MCC: variants seen among roughly 807,000 people sequenced by gnomAD.
MCC encodes the protein MCC regulator of Wnt signaling pathway.
In MCC, 90 loss-of-function variants were observed where a neutral mutation model predicts 116.2. The observed-to-expected ratio is 0.77, with a 90% CI of 0.65 to 0.92. The LOEUF is 0.92. Among genes scored for constraint, MCC ranks in the 40% least tolerant of loss-of-function variants. The pLI, the probability that MCC is intolerant of heterozygous loss-of-function variation, is 0.00. For synonymous variants in MCC, 578 were observed against 510.5 expected, an observed-to-expected ratio of 1.13 and a Z score of -1.78; for missense variants, 1,516 against 1,312.2, an observed-to-expected ratio of 1.16 and a Z score of -2.40.
In MCC at chr5:113,315,925, C is replaced by T. The variant is rs536231436; in HGVS notation, c.627+24594G>A. Among the ~76,000 whole-genome samples the T allele has an allele frequency of 3.1e-4, 47 of 151,556 alleles. 1 individual carries two copies. The South Asian group carries it at 7.9e-3, about 26-fold the overall frequency. On this transcript the variant is annotated intron_variant, in intron 3 of 18. Coordinates refer to ENST00000408903, the MANE Select transcript of MCC (RefSeq NM_001085377.2). ...GGGATGATTAGGCCATTTCTTCTTT[C>T]GAAGTGCCCAAAACAACTAGGTACA...
In MCC at chr5:113,092,332, G is replaced by T. The variant is rs189817593; in HGVS notation, c.1399-7022C>A. 3.2e-3 allele frequency among the ~76,000 whole-genome samples: 480 copies of T among 152,300 alleles called. 7 individuals carry two copies. The highest frequency in any genetic ancestry group is 0.011 in the Admixed American group (161 of 15,294). On this transcript the variant is annotated intron_variant, in intron 8 of 18. Transcript: ENST00000408903. ...GATGAAGGAAGGGGCATACTCAAAG[G>T]ATGCAGGCTCCCTCTAGATGCTGGA...
intron 15 of MCC, among the ~76,000 whole-genome samples, chr5:113,053,400 G>A (rs181471202): frequency 1.3e-5 from 2 of 152,312 alleles, no homozygotes; most frequent in Admixed American, 6.5e-5. Context: ...ATATTTCCAA[G>A]CATTCTTGAG....
Position 113,340,750 on chromosome 5 carries a change from A to G in MCC, c.416-20T>C. On this transcript the variant is annotated intron_variant, in intron 2 of 18. Coordinates refer to ENST00000408903, the MANE Select transcript of MCC (RefSeq NM_001085377.2). ...AGGCACCTAAGTCCGAGAGAAGCAG[A>G]GAAAATGAAAAGACATTTCCTTCAT... 1.2e-6 allele frequency: 2 copies of G among 1,606,070 alleles called. No individual in the cohort carries two copies. The highest frequency in any genetic ancestry group is 1.7e-5 in the Admixed American group (1 of 59,824).
chr5:113,390,140 C>T (rs999444611), intron 1 of MCC, among the ~76,000 whole-genome samples: 2 of 152,044 alleles, frequency 1.3e-5, no homozygotes, highest in Non-Finnish European at 2.9e-5. Flanking sequence ...TCAGAAAACA[C>T]ATATTCATTG....
At chr5:113,166,653 C>T (rs1046806526) in intron 3 of MCC, among the ~76,000 whole-genome samples, 14 of 150,488 alleles carry the variant, frequency 9.3e-5, no homozygotes, top group African/African-American at 3.2e-4. Context: ...ACTATAAGAT[C>T]CCAAGACTCT....
intron 13 of MCC, among the ~76,000 whole-genome samples, chr5:113,065,772 T>A (rs1753560264): frequency 6.6e-6 from 1 of 152,240 alleles, no homozygotes. Context: ...TGCTTTGCTG[T>A]GCAACAGCTC....
chr5:113,119,306 A>G (rs1267994600), intron 6 of MCC, among the ~76,000 whole-genome samples: 1 of 152,228 alleles, frequency 6.6e-6, no homozygotes, highest in Non-Finnish European at 1.5e-5. Flanking sequence ...ATGAAAGAAA[A>G]TGAAGCAGGG....
chr5:113,166,721 A>C lies in MCC; in HGVS notation c.628-15299T>G, dbSNP rs868129926. 1.1e-4 allele frequency among the ~76,000 whole-genome samples: 15 copies of C among 133,168 alleles called. 1 individual carries two copies. Among genetic ancestry groups the C allele is most frequent in the East Asian group, 4.4e-4 (2 of 4,498 alleles). 87.4% of individuals were successfully genotyped at this position (133,168 alleles called of 152,430 possible). On this transcript the variant is annotated intron_variant, in intron 3 of 18. Transcript: ENST00000408903. The stretch of plus-strand genomic sequence containing the variant: ...TCATTTATTTAAAAAAAAAAAAAAA[A>C]ACAACCAAAAAACCAAAAAAACAAA...
chr5:113,147,296 A>G (rs1289989291), intron 4 of MCC, among the ~76,000 whole-genome samples: 1 of 152,200 alleles, frequency 6.6e-6, no homozygotes, highest in African/African-American at 2.4e-5. Flanking sequence ...CCAGGGATAA[A>G]GCCCTGAGTC....
intron 6 of MCC, among the ~76,000 whole-genome samples, chr5:113,121,041 TACAA>T (rs144906875): frequency 1.7e-3 from 265 of 152,366 alleles, no homozygotes; most frequent in Non-Finnish European, 3.2e-3. Flanking sequence ...CCATCTGTTG[TACAA>T]ACAAACTCTT....
chr5:113,120,198 G>A (rs1245497795), intron 6 of MCC, among the ~76,000 whole-genome samples: 1 of 152,178 alleles, frequency 6.6e-6, no homozygotes, highest in Admixed American at 6.5e-5. Flanking sequence ...GGGCTGCCAG[G>A]GTTAGAGATT....
chr5:113,228,106 G>A (rs1561471292), intron 3 of MCC, among the ~76,000 whole-genome samples: 1 of 152,200 alleles, frequency 6.6e-6, no homozygotes, highest in Non-Finnish European at 1.5e-5. Flanking sequence ...GGTGTTGAAT[G>A]AACAAATTTG....
intron 2 of MCC, among the ~76,000 whole-genome samples, chr5:113,375,992 A>T (rs1768971367): frequency 6.6e-6 from 1 of 152,184 alleles, no homozygotes; most frequent in Non-Finnish European, 1.5e-5. Flanking sequence ...TAGCGAAGGC[A>T]CGTACTAGAT....
chr5:113,440,780 C>T (rs773958861), intron 1 of MCC, among the ~76,000 whole-genome samples: 1 of 151,702 alleles, frequency 6.6e-6, no homozygotes, highest in Non-Finnish European at 1.5e-5. Flanking sequence ...GAAGAAGGAA[C>T]AGGAAAAAGA....
chr5:113,471,521 T>C (rs1045988290), intron 1 of MCC, among the ~76,000 whole-genome samples: 3 of 152,084 alleles, frequency 2.0e-5, no homozygotes, highest in Non-Finnish European at 4.4e-5. Context: ...TGCCTGATCG[T>C]TCCTCTGGAA....
chr5:113,157,664 C>A (rs1760248161), intron 3 of MCC, among the ~76,000 whole-genome samples: 1 of 152,190 alleles, frequency 6.6e-6, no homozygotes, highest in South Asian at 2.1e-4. Flanking sequence ...ACACTCACTG[C>A]CAGCGTGCAT....
intron 11 of MCC, among the ~76,000 whole-genome samples, chr5:113,082,061 T>C (rs532719413): frequency 2.6e-5 from 4 of 152,366 alleles, no homozygotes; most frequent in South Asian, 4.1e-4. Context: ...GGCCAAGTGG[T>C]TTCCATGGTT....
intron 3 of MCC, among the ~76,000 whole-genome samples, chr5:113,250,529 G>C (rs184454844): frequency 6.6e-6 from 1 of 151,608 alleles, no homozygotes; most frequent in East Asian, 1.9e-4. Flanking sequence ...ACAGAGACAT[G>C]TGCCTTTATA....
intron 3 of MCC, among the ~76,000 whole-genome samples, chr5:113,270,159 A>T (rs1042167524): frequency 4.6e-5 from 7 of 152,178 alleles, no homozygotes; most frequent in Non-Finnish European, 1.0e-4. Context: ...ACTAGGAAAA[A>T]TGTTTATGAC....
Sources: allele counts gnomAD v4.1 joint callset (sites outside exome capture counted in the v4.1 genomes callset), GRCh38; gene constraint gnomAD v4.1.1; transcripts MANE v1.5; gene names NCBI Gene and HGNC (gene_info 2026-07-23, HGNC 2026-07-21).